KIF26B: variants seen among roughly 807,000 people sequenced by gnomAD.
The protein encoded by KIF26B is kinesin family member 26B.
In KIF26B, 63 loss-of-function variants were observed where a neutral mutation model predicts 151.2. The ratio of observed to expected loss-of-function variants is 0.42; its 90% CI spans 0.34 to 0.51. The LOEUF is 0.51. Ranked by LOEUF, KIF26B falls within the 20% of genes least tolerant of loss-of-function variation. The pLI, the probability that KIF26B is intolerant of heterozygous loss-of-function variation, is 0.07. For missense variants in KIF26B, 2,813 were observed against 2,913.6 expected (o/e 0.97, Z 0.79); for synonymous variants, 1,357 against 1,262.1 (o/e 1.08, Z -1.59).
intron 4 of KIF26B, among the ~76,000 whole-genome samples, chr1:245,498,670 A>G (rs1660559321): frequency 6.6e-6 from 1 of 152,128 alleles, no homozygotes; most frequent in Admixed American, 6.5e-5. Context: ...GGTCATTAAT[A>G]TTTCACTTCT....
At chr1:245,481,617 T>A (rs895842557) in intron 4 of KIF26B, among the ~76,000 whole-genome samples, 4 of 151,910 alleles carry the variant, frequency 2.6e-5, no homozygotes, top group Admixed American at 6.5e-5. Flanking sequence ...GAGAATTCTT[T>A]ATTTCCCTGG....
chr1:245,292,530 C>T (rs373207838), intron 2 of KIF26B, among the ~76,000 whole-genome samples: 3 of 152,236 alleles, frequency 2.0e-5, no homozygotes, highest in African/African-American at 7.2e-5. Context: ...CCTCTACTTC[C>T]CCCTTGCCCA....
chr1:245,611,962 G>A lies in KIF26B; in HGVS notation c.2084G>A (p.Ser695Asn). Residue 695 changes from serine to asparagine, a missense_variant, in exon 9 of 15, where the codon AGC becomes AAC. Transcript: ENST00000407071. ...ATCTACCAGTACCGGATGGAGAAGA[G>A]CGGGAAAGGGGGAAGTAAGTCGGCC... The part of the protein sequence containing the change: ...LHIYQYRMEK[S>N]GKGGMSGGRS... 1.2e-6 allele frequency: 2 copies of A among 1,612,184 alleles called. No individual in the cohort carries two copies.
chr1:245,283,976 G>A (rs1351227517), intron 2 of KIF26B, among the ~76,000 whole-genome samples: 3 of 152,144 alleles, frequency 2.0e-5, no homozygotes, highest in Admixed American at 6.5e-5. Flanking sequence ...GTGAGCCGCT[G>A]CGCACCGCAG....
chr1:245,669,228 A>G (rs2044253395), intron 10 of KIF26B, among the ~76,000 whole-genome samples: 1 of 152,194 alleles, frequency 6.6e-6, no homozygotes, highest in South Asian at 2.1e-4. Context: ...ACAGGGAATC[A>G]TGGGCCACTC....
intron 2 of KIF26B, among the ~76,000 whole-genome samples, chr1:245,254,062 G>C (rs555486029): frequency 6.6e-6 from 1 of 151,932 alleles, no homozygotes; most frequent in Non-Finnish European, 1.5e-5. Flanking sequence ...TGCCCGCCTC[G>C]GCCTCCCAAA....
rs1044107443 is a variant in KIF26B at position 245,166,402 on chromosome 1, T to G, written c.465+9719T>G. ...CCAAGTGGATAAAGCATCTCATTCTTATTTATTCATTTGTAGAGTTGTCAC... is the reference window on the plus strand; with the variant it reads ...CCAAGTGGATAAAGCATCTCATTCTGATTTATTCATTTGTAGAGTTGTCAC... On this transcript the variant is annotated intron_variant, in intron 2 of 14. Coordinates refer to ENST00000407071, the MANE Select transcript of KIF26B (RefSeq NM_018012.4). This position sits in a 1 kb window ranked among gnomAD's most constrained non-coding sequence, Gnocchi z 4.5. Among the ~76,000 whole-genome samples the G allele has an allele frequency of 6.6e-6, 1 of 152,226 alleles. No individual in the cohort carries two copies. Among genetic ancestry groups the G allele is most frequent in the Non-Finnish European group, 1.5e-5 (1 of 68,036 alleles).
At chr1:245,552,352 T>C (rs1194222666) in intron 5 of KIF26B, among the ~76,000 whole-genome samples, 3 of 152,050 alleles carry the variant, frequency 2.0e-5, no homozygotes, top group Non-Finnish European at 4.4e-5. Flanking sequence ...CTTCAACTGG[T>C]TGGATGGAGC....
At chr1:245,668,806 C>T (rs2044248487) in intron 10 of KIF26B, among the ~76,000 whole-genome samples, 1 of 152,196 alleles carries the variant, frequency 6.6e-6, no homozygotes, top group Admixed American at 6.5e-5. Flanking sequence ...TCTTCTGCCT[C>T]AGCCTCCCAA....
At chr1:245,590,258 A>AGGGTCCCGGGGTCCCTG (rs2043273400) in intron 5 of KIF26B, among the ~76,000 whole-genome samples, 3 of 150,324 alleles carry the variant, frequency 2.0e-5, no homozygotes, top group Admixed American at 6.6e-5. Flanking sequence ...GCGCATGCGC[A>AGGGTCCCGGGGTCCCTG]GGGTCCCGGG....
At chr1:245,492,869 C>T (rs2103074774) in intron 4 of KIF26B, among the ~76,000 whole-genome samples, 1 of 152,202 alleles carries the variant, frequency 6.6e-6, no homozygotes, top group African/African-American at 2.4e-5. Flanking sequence ...CAACCTCTGC[C>T]TCCCGGGTTC....
chr1:245,273,416 CAAA>C (rs36085161), intron 2 of KIF26B, among the ~76,000 whole-genome samples: 2 of 127,134 alleles, frequency 1.6e-5, no homozygotes, highest in South Asian at 2.6e-4. Context: ...AGACTTATCT[CAAA>C]AAAAAAAAAA....
intron 10 of KIF26B, among the ~76,000 whole-genome samples, chr1:245,662,598 TACACAGACACCCA>T (rs1247592885): frequency 0.011 from 1,543 of 135,910 alleles, 200 homozygotes; most frequent in African/African-American, 0.013. Context: ...CAATGATATA[TACACAGACACCCA>T]ATATATATAC....
chr1:245,491,424 A>T (rs1660407021), intron 4 of KIF26B, among the ~76,000 whole-genome samples: 1 of 152,204 alleles, frequency 6.6e-6, no homozygotes, highest in African/African-American at 2.4e-5. Flanking sequence ...CATATCTCAG[A>T]TGGCTGGATG....
At chr1:245,264,435 A>G (rs1318312544) in intron 2 of KIF26B, among the ~76,000 whole-genome samples, 1 of 152,210 alleles carries the variant, frequency 6.6e-6, no homozygotes, top group East Asian at 1.9e-4. Context: ...CCAAATGACT[A>G]CATCTTTGTT....
chr1:245,251,211 A>C (rs1447266012), intron 2 of KIF26B, among the ~76,000 whole-genome samples: 3 of 152,200 alleles, frequency 2.0e-5, no homozygotes, highest in African/African-American at 7.2e-5. Context: ...GCAGGTGTTT[A>C]GCATAAACCA....
chr1:245,609,295 G>A lies in KIF26B; in HGVS notation c.1681G>A (p.Asp561Asn). Residue 561 changes from aspartate (D) to asparagine (N), a missense_variant, in exon 8 of 15, where the codon GAT becomes AAT. By Grantham distance (23) the Asp-to-Asn change is conservative. Coordinates refer to ENST00000407071, the MANE Select transcript of KIF26B (RefSeq NM_018012.4). ...GKSYTMIGKD[D>N]SMQNLGIIPC... is the part of the protein sequence containing the mutation. ...ATCCTACACCATGATCGGAAAGGATGATTCCATGCAGAACCTGGGCATCAT... is the reference window on the plus strand; with the variant it reads ...ATCCTACACCATGATCGGAAAGGATAATTCCATGCAGAACCTGGGCATCAT... 1 of 1,609,742 alleles carries A rather than the reference G, an allele frequency of 6.2e-7. No homozygotes were observed. Among genetic ancestry groups the A allele is most frequent in the African/African-American group, 1.3e-5 (1 of 74,976 alleles).
intron 3 of KIF26B, among the ~76,000 whole-genome samples, chr1:245,374,682 G>A (rs1673230668): frequency 6.6e-6 from 1 of 152,084 alleles, no homozygotes. Context: ...TAAGACCATG[G>A]GTTTTGTTTT....
At chr1:245,291,544 T>C (rs1671252993) in intron 2 of KIF26B, among the ~76,000 whole-genome samples, 2 of 152,132 alleles carry the variant, frequency 1.3e-5, no homozygotes, top group African/African-American at 4.8e-5. Context: ...ATTCAATGGG[T>C]GATACATCCT....
Sources: gnomAD v4.1 joint callset for allele counts (sites outside exome capture counted in the v4.1 genomes callset) on GRCh38, gnomAD v4.1.1 for gene constraint, Gnocchi (gnomAD v3.1) non-coding constraint, MANE v1.5 for transcripts, NCBI Gene and HGNC (gene_info 2026-07-23, HGNC 2026-07-21) for gene names.